Variants in STARD13 observed in about 807,000 individuals in gnomAD.
STARD13 encodes the protein stAR-related lipid transfer protein 13.
Under a neutral mutation model 106.4 loss-of-function variants are expected in STARD13, and 62 were observed. The observed-to-expected ratio is 0.58, with a 90% CI of 0.48 to 0.72. The LOEUF (loss-of-function observed/expected upper bound fraction) is 0.72. STARD13 is among the 30% of genes least tolerant of loss of function. The pLI, the probability that STARD13 is intolerant of heterozygous loss-of-function variation, is 0.00. For synonymous variants in STARD13, 565 were observed against 553.0 expected, an observed-to-expected ratio of 1.02 and a Z score of -0.31; for missense variants, 1,387 against 1,424.0, an observed-to-expected ratio of 0.97 and a Z score of 0.42.
chr13:33,283,789 C>T (rs769725523), intron 1 of STARD13, among the ~76,000 whole-genome samples: 18 of 151,994 alleles, frequency 1.2e-4, no homozygotes, highest in Non-Finnish European at 1.9e-4. Context: ...TGACAGGGCA[C>T]GTTCAGTGAT....
intron 1 of STARD13, among the ~76,000 whole-genome samples, chr13:33,308,516 C>CTTTTT (rs1566131085): frequency 1.1e-5 from 1 of 90,808 alleles, no homozygotes; most frequent in African/African-American, 3.5e-5. Flanking sequence ...TTTTCTTTTT[C>CTTTTT]TTTCTTTTTT....
At chr13:33,560,549 T>C in the STARD13 span, among the ~76,000 whole-genome samples, 14 of 151,240 alleles carry the variant, frequency 9.3e-5, no homozygotes, top group Non-Finnish European at 1.8e-4. Flanking sequence ...TGGGTCACAA[T>C]AAAGGAGCTG....
the STARD13 span, among the ~76,000 whole-genome samples, chr13:33,483,588 G>C: frequency 6.6e-6 from 1 of 152,194 alleles, no homozygotes; most frequent in Non-Finnish European, 1.5e-5. Flanking sequence ...AAACTCACCA[G>C]ATCACTCCAT....
chr13:33,107,231 G>C (rs189850132), intron 12 of STARD13, among the ~76,000 whole-genome samples: 51 of 152,280 alleles, frequency 3.3e-4, no homozygotes, highest in African/African-American at 1.2e-3. Context: ...CATTCTCGAA[G>C]AGGTGGTTTT....
chr13:33,502,601 T>C, the STARD13 span, among the ~76,000 whole-genome samples: 2 of 152,372 alleles, frequency 1.3e-5, no homozygotes, highest in Non-Finnish European at 1.5e-5. Context: ...TGAAGGGCTG[T>C]TGAATTTTGT....
chr13:33,538,032 C>T, the STARD13 span, among the ~76,000 whole-genome samples: 40,631 of 151,918 alleles, frequency 0.27, 6,738 homozygotes, highest in African/African-American at 0.45. Flanking sequence ...TTCTGTGTTG[C>T]TTCTGATGTT....
intron 1 of STARD13, among the ~76,000 whole-genome samples, chr13:33,284,812 A>C (rs535898662): frequency 3.3e-5 from 5 of 152,224 alleles, no homozygotes; most frequent in Admixed American, 2.6e-4. Flanking sequence ...TAAAAAGAAT[A>C]TCAAGCAGCT....
In STARD13 at chr13:33,130,730, A is replaced by G. The variant is rs1181438535; in HGVS notation, c.388-441T>C. Among the ~76,000 whole-genome samples the G allele has an allele frequency of 6.6e-6, 1 of 152,190 alleles. No homozygotes were observed. ...ACCTCTTCACTGAGCCCCGGGGACCATATTTCCAGCTTGCCCCATCTGAAT... is the reference window on the plus strand; with the variant it reads ...ACCTCTTCACTGAGCCCCGGGGACCGTATTTCCAGCTTGCCCCATCTGAAT... On this transcript the variant is annotated intron_variant, in intron 4 of 13. Coordinates refer to ENST00000336934, the MANE Select transcript of STARD13 (RefSeq NM_178006.4). This position sits in a 1 kb window ranked among gnomAD's most constrained non-coding sequence, Gnocchi z 4.1.
chr13:33,267,939 G>A (rs1187035147), intron 1 of STARD13, among the ~76,000 whole-genome samples: 2 of 152,306 alleles, frequency 1.3e-5, no homozygotes, highest in Admixed American at 6.5e-5. Context: ...TATGAGAGGA[G>A]TTGGGACCAT....
the STARD13 span, among the ~76,000 whole-genome samples, chr13:33,616,184 T>A: frequency 2.1e-5 from 2 of 96,438 alleles, no homozygotes; most frequent in African/African-American, 4.2e-5. Flanking sequence ...GGGAGGGAAA[T>A]GGAGGGGAGA....
intron 1 of STARD13, among the ~76,000 whole-genome samples, chr13:33,261,801 CA>C (rs1188286282): frequency 6.6e-6 from 1 of 152,144 alleles, no homozygotes; most frequent in African/African-American, 2.4e-5. Flanking sequence ...TAAAATGTCA[CA>C]GGAAATTTTT....
At chr13:33,262,962 T>C (rs1229659206) in intron 1 of STARD13, among the ~76,000 whole-genome samples, 1 of 152,202 alleles carries the variant, frequency 6.6e-6, no homozygotes, top group East Asian at 1.9e-4. Context: ...CAAGGCCAGC[T>C]CAAGTACCAT....
At chr13:33,229,811 G>A (rs1433222225) in intron 1 of STARD13, among the ~76,000 whole-genome samples, 1 of 152,226 alleles carries the variant, frequency 6.6e-6, no homozygotes, top group Non-Finnish European at 1.5e-5. Flanking sequence ...AAGCCCCTGT[G>A]CCAGAAGCCT....
At chr13:33,142,284 A>G (rs773041452) in intron 4 of STARD13, 26 bp downstream of exon 4, 1 of 1,594,390 alleles carries the variant, frequency 6.3e-7, no homozygotes, top group Non-Finnish European at 8.6e-7. Flanking sequence ...GCATAGCCAC[A>G]TTCTTATTAA....
chr13:33,258,574 T>C (rs1890484669), intron 1 of STARD13, among the ~76,000 whole-genome samples: 1 of 152,246 alleles, frequency 6.6e-6, no homozygotes, highest in Non-Finnish European at 1.5e-5. Context: ...TTCAGGCTAT[T>C]TCTAAATGCA....
At chr13:33,541,464 A>C in the STARD13 span, among the ~76,000 whole-genome samples, 2 of 152,156 alleles carry the variant, frequency 1.3e-5, no homozygotes, top group Non-Finnish European at 2.9e-5. Flanking sequence ...ACTTCTACAT[A>C]AACAGGTGCC....
the STARD13 span, among the ~76,000 whole-genome samples, chr13:33,460,210 G>C: frequency 6.6e-6 from 1 of 151,952 alleles, no homozygotes; most frequent in Non-Finnish European, 1.5e-5. Context: ...AGATTGGGCC[G>C]GGCACGATGG....
chr13:33,624,444 T>C, the STARD13 span, among the ~76,000 whole-genome samples: 1 of 152,258 alleles, frequency 6.6e-6, no homozygotes, highest in Non-Finnish European at 1.5e-5. Flanking sequence ...CTCATCACCA[T>C]CATGGTGCTG....
chr13:33,432,299 G>A, the STARD13 span, among the ~76,000 whole-genome samples: 14 of 152,048 alleles, frequency 9.2e-5, no homozygotes, highest in Non-Finnish European at 2.1e-4. Flanking sequence ...GAAAAAGTTA[G>A]AATACAAATG....
Sources: allele counts gnomAD v4.1 joint callset (sites outside exome capture counted in the v4.1 genomes callset), GRCh38; gene constraint gnomAD v4.1.1; non-coding constraint Gnocchi (gnomAD v3.1); transcripts MANE v1.5; gene names NCBI Gene and HGNC (gene_info 2026-07-23, HGNC 2026-07-21).